PCDH7: variants seen among roughly 807,000 people sequenced by gnomAD.
PCDH7 encodes protocadherin-7.
Under a neutral mutation model 58.9 loss-of-function variants are expected in PCDH7, and 17 were observed. That is an observed-to-expected ratio of 0.29 (90% confidence interval 0.20 to 0.43). The LOEUF is 0.43. Ranked by LOEUF, PCDH7 falls within the 20% of genes least tolerant of loss-of-function variation. The pLI is 1.00. For synonymous variants in PCDH7, 664 were observed against 616.4 expected (o/e 1.08, Z -1.14); for missense variants, 1,274 against 1,441.0 (o/e 0.88, Z 1.88).
chr4:30,754,335 G>A (rs1004929708), intron 1 of PCDH7, among the ~76,000 whole-genome samples: 1 of 152,150 alleles, frequency 6.6e-6, no homozygotes, highest in South Asian at 2.1e-4. Context: ...AAAAAGAAAA[G>A]AGGTTGTTAT....
intron 1 of PCDH7, among the ~76,000 whole-genome samples, chr4:30,825,168 A>G (rs548941900): frequency 6.6e-6 from 1 of 152,122 alleles, no homozygotes; most frequent in Non-Finnish European, 1.5e-5. Flanking sequence ...TAATATGACC[A>G]TTGCTTTCCT....
chr4:30,900,772 A>C (rs1167097645), intron 1 of PCDH7, among the ~76,000 whole-genome samples: 1 of 152,186 alleles, frequency 6.6e-6, no homozygotes, highest in Non-Finnish European at 1.5e-5. Context: ...ATGGCATTAT[A>C]TATGGGGAGT....
chr4:31,064,074 G>C (rs1466734633), intron 3 of PCDH7, among the ~76,000 whole-genome samples: 1 of 151,840 alleles, frequency 6.6e-6, no homozygotes, highest in Non-Finnish European at 1.5e-5. Flanking sequence ...CAGGTAAAAA[G>C]ACCAAACATT....
At chr4:31,000,818 G>C (rs1752304706) in intron 3 of PCDH7, among the ~76,000 whole-genome samples, 1 of 151,980 alleles carries the variant, frequency 6.6e-6, no homozygotes, top group South Asian at 2.1e-4. Context: ...CCTAAATGGT[G>C]GCTCTTACAG....
In PCDH7 at chr4:30,723,170, C is replaced by T; in HGVS notation, c.1748C>T (p.Ala583Val). ...GACTCCTCTGTGATGGGGATCTTTGCCATCGATCCCGATTCTGGGGACATC... is the reference window on the plus strand; with the variant it reads ...GACTCCTCTGTGATGGGGATCTTTGTCATCGATCCCGATTCTGGGGACATC... Residue 583 changes from alanine to valine, a missense_variant, in exon 1 of 2, where the codon GCC becomes GTC. This residue lies in a region of PCDH7 where 731 missense variants were observed against 881.9 expected (regional missense o/e 0.83). Coordinates refer to ENST00000361762, the Ensembl canonical transcript of PCDH7. The surrounding 1 kb of genome is among the most constrained non-coding windows in gnomAD (Gnocchi z 4.6). 6.2e-7 allele frequency: 1 copy of T among 1,614,150 alleles called. No homozygotes were observed. The highest frequency in any genetic ancestry group is 1.1e-5 in the South Asian group (1 of 91,080).
At chr4:31,030,795 G>A (rs1277601176) in intron 3 of PCDH7, among the ~76,000 whole-genome samples, 1 of 152,092 alleles carries the variant, frequency 6.6e-6, no homozygotes, top group South Asian at 2.1e-4. Context: ...TCTTCAGATT[G>A]GTGAACATTA....
intron 3 of PCDH7, among the ~76,000 whole-genome samples, chr4:31,106,615 C>T (rs1313247705): frequency 3.3e-5 from 5 of 152,250 alleles, no homozygotes; most frequent in Admixed American, 2.6e-4. Context: ...TGTCATGTTA[C>T]TTCCTATTTA....
intron 2 of PCDH7, among the ~76,000 whole-genome samples, chr4:30,929,943 G>C (rs570777908): frequency 3.9e-5 from 6 of 152,310 alleles, no homozygotes; most frequent in East Asian, 3.9e-4. Context: ...AGAATGTAGA[G>C]TGTTATAAGA....
chr4:30,832,853 G>A (rs980286279), intron 1 of PCDH7, among the ~76,000 whole-genome samples: 3 of 152,122 alleles, frequency 2.0e-5, no homozygotes, highest in Non-Finnish European at 2.9e-5. Flanking sequence ...TGTGATCAAC[G>A]CAATAATGGA....
At chr4:31,085,791 A>T (rs1204976926) in intron 3 of PCDH7, among the ~76,000 whole-genome samples, 4 of 152,156 alleles carry the variant, frequency 2.6e-5, no homozygotes, top group Non-Finnish European at 5.9e-5. Flanking sequence ...AATTCATTAT[A>T]AAGTCAAAAA....
chr4:30,773,894 G>A (rs1320420902), intron 1 of PCDH7, among the ~76,000 whole-genome samples: 1 of 152,114 alleles, frequency 6.6e-6, no homozygotes, highest in East Asian at 1.9e-4. Context: ...AGATGGGAGT[G>A]TGAAGGTTTT....
At position 30,993,097 on chromosome 4, in the gene PCDH7, C is replaced by T. The variant is rs1751596826; in HGVS notation, c.*7+42882C>T. Among the ~76,000 whole-genome samples the T allele has an allele frequency of 5.9e-5, 9 of 152,120 alleles. No individual in the cohort carries two copies. In the South Asian group the frequency reaches 1.9e-3, roughly 31 times the overall value. Reference sequence around the variant, plus strand: ...TACAGGTGTGAGCCACCGTGCCCGGCCTGTCCCATTCGTTTTTGATAGACA... The same window carrying T: ...TACAGGTGTGAGCCACCGTGCCCGGTCTGTCCCATTCGTTTTTGATAGACA... On this transcript the variant is annotated intron_variant, in intron 3 of 3. Coordinates refer to the PCDH7 transcript ENST00000509759.
exon 1 of PCDH7, chr4:30,724,324 A>G (rs760479965): frequency 6.2e-7 from 1 of 1,614,142 alleles, no homozygotes; most frequent in Non-Finnish European, 8.5e-7. Flanking sequence ...TGATAGTGTC[A>G]ATGAGAAGCT....
chr4:31,096,050 A>G (rs2109292360), intron 3 of PCDH7, among the ~76,000 whole-genome samples: 1 of 152,282 alleles, frequency 6.6e-6, no homozygotes, highest in South Asian at 2.1e-4. Flanking sequence ...CAGACCCCTA[A>G]TAAGTGCTTA....
intron 1 of PCDH7, among the ~76,000 whole-genome samples, chr4:30,741,861 T>A (rs540400524): frequency 6.6e-6 from 1 of 152,346 alleles, no homozygotes; most frequent in African/African-American, 2.4e-5. Flanking sequence ...TAAACGTCAA[T>A]GAAAATATTT....
At chr4:31,097,976 AT>A (rs1714375797) in intron 3 of PCDH7, among the ~76,000 whole-genome samples, 1 of 152,060 alleles carries the variant, frequency 6.6e-6, no homozygotes. Flanking sequence ...TAAATGAATG[AT>A]TTTTTAGGAA....
intron 3 of PCDH7, among the ~76,000 whole-genome samples, chr4:31,026,636 A>G (rs1194847270): frequency 6.6e-6 from 1 of 152,196 alleles, no homozygotes; most frequent in Non-Finnish European, 1.5e-5. Flanking sequence ...CTTTGGGACA[A>G]AACATTCTGC....
chr4:30,854,327 C>A (rs771235096), intron 1 of PCDH7, among the ~76,000 whole-genome samples: 2 of 148,370 alleles, frequency 1.3e-5, no homozygotes, highest in African/African-American at 5.0e-5. Flanking sequence ...CACCTTCTTC[C>A]ATCATTGACA....
chr4:31,019,414 G>A (rs1197135182), intron 3 of PCDH7, among the ~76,000 whole-genome samples: 1 of 152,078 alleles, frequency 6.6e-6, no homozygotes, highest in Non-Finnish European at 1.5e-5. Flanking sequence ...TACAGAAATA[G>A]GATTCCTGGC....
Sources: gnomAD v4.1 joint callset for allele counts (sites outside exome capture counted in the v4.1 genomes callset) on GRCh38, gnomAD v4.1.1 for gene constraint, gnomAD v4.1.1 regional missense constraint, Gnocchi (gnomAD v3.1) non-coding constraint, MANE v1.5 for transcripts, NCBI Gene and HGNC (gene_info 2026-07-23, HGNC 2026-07-21) for gene names.